Variants in GPC5 observed in about 807,000 individuals in gnomAD.
GPC5 encodes the protein glypican 5.
In GPC5, 47 loss-of-function variants were observed where a neutral mutation model predicts 53.9. The ratio of observed to expected loss-of-function variants is 0.87; its 90% CI spans 0.69 to 1.11. The LOEUF is 1.11. GPC5 is among the 50% of genes most tolerant of loss of function. The pLI is 0.00. For missense variants in GPC5, 748 were observed against 713.1 expected (o/e 1.05, Z -0.56); for synonymous variants, 286 against 263.3 (o/e 1.09, Z -0.84).
intron 1 of GPC5, among the ~76,000 whole-genome samples, chr13:91,428,041 C>T (rs569244687): frequency 1.3e-5 from 2 of 152,212 alleles, no homozygotes; most frequent in East Asian, 1.9e-4. Flanking sequence ...TTAAACCTCT[C>T]GTCTATACAA....
At chr13:91,506,276 CAT>C (rs1392296136) in intron 2 of GPC5, among the ~76,000 whole-genome samples, 2 of 152,034 alleles carry the variant, frequency 1.3e-5, no homozygotes, top group Non-Finnish European at 2.9e-5. Flanking sequence ...TAAAATAAAA[CAT>C]ATATTTAAGC....
chr13:92,832,722 T>G (rs1779672023), intron 7 of GPC5, among the ~76,000 whole-genome samples: 1 of 152,106 alleles, frequency 6.6e-6, no homozygotes, highest in Admixed American at 6.6e-5. Context: ...ATACCCACAA[T>G]TTTGGCCTGG....
intron 7 of GPC5, among the ~76,000 whole-genome samples, chr13:92,702,233 A>T (rs1887774859): frequency 6.6e-6 from 1 of 152,102 alleles, no homozygotes; most frequent in Non-Finnish European, 1.5e-5. Context: ...CTACACTCAC[A>T]TCCTGAATGA....
intron 7 of GPC5, among the ~76,000 whole-genome samples, chr13:92,815,028 ATATT>A (rs1221649423): frequency 1.3e-5 from 2 of 152,040 alleles, no homozygotes; most frequent in Non-Finnish European, 2.9e-5. Context: ...CATTCAACAT[ATATT>A]TATTTAACAC....
intron 5 of GPC5, among the ~76,000 whole-genome samples, chr13:91,771,234 T>A (rs1339349313): frequency 6.6e-6 from 1 of 152,180 alleles, no homozygotes; most frequent in Non-Finnish European, 1.5e-5. Context: ...CCCTCAATGT[T>A]AAAAATCAAA....
intron 7 of GPC5, among the ~76,000 whole-genome samples, chr13:92,210,710 G>T (rs1205086420): frequency 6.6e-6 from 1 of 152,136 alleles, no homozygotes; most frequent in Non-Finnish European, 1.5e-5. Flanking sequence ...ATAAAACAAA[G>T]TATTCAGACT....
intron 7 of GPC5, among the ~76,000 whole-genome samples, chr13:92,399,259 A>T (rs371944925): frequency 2.3e-4 from 35 of 152,220 alleles, no homozygotes; most frequent in African/African-American, 7.7e-4. Context: ...CATAATTTAG[A>T]TAAAATATAG....
intron 7 of GPC5, among the ~76,000 whole-genome samples, chr13:92,615,340 T>A (rs1594350353): frequency 6.6e-6 from 1 of 152,316 alleles, no homozygotes; most frequent in African/African-American, 2.4e-5. Flanking sequence ...AATGTGTTAA[T>A]CACTTAAACC....
In GPC5 at chr13:92,633,475, A is replaced by G. The variant is rs537762088; in HGVS notation, c.1562-232807A>G. 6.7e-4 allele frequency among the ~76,000 whole-genome samples: 102 copies of G among 152,306 alleles called. 1 individual carries two copies. Among genetic ancestry groups the G allele is most frequent in the Middle Eastern group, 3.4e-3 (1 of 294 alleles). On this transcript the variant is annotated intron_variant, in intron 7 of 7. Transcript: ENST00000377067. ...AAAAATATTTAGTTTTTTGCACAGA[A>G]AAAAGGTATATAAAAACCTGCTCAC...
chr13:91,949,039 C>T lies in GPC5; in HGVS notation c.1401+40982C>T, dbSNP rs189922770. Reference sequence around the variant, plus strand: ...AGAGCACAGATGATTACCAGGTAGTCGTTACTATCTTCTCTCCTTGATACT... The same window carrying T: ...AGAGCACAGATGATTACCAGGTAGTTGTTACTATCTTCTCTCCTTGATACT... On this transcript the variant is annotated intron_variant, in intron 6 of 7. Coordinates refer to ENST00000377067, the MANE Select transcript of GPC5 (RefSeq NM_004466.6). 4.9e-3 allele frequency among the ~76,000 whole-genome samples: 741 copies of T among 152,224 alleles called. 7 individuals carry two copies. The highest frequency in any genetic ancestry group is 0.016 in the African/African-American group (683 of 41,518).
intron 2 of GPC5, among the ~76,000 whole-genome samples, chr13:91,600,294 C>T (rs1057340824): frequency 6.7e-6 from 1 of 148,830 alleles, no homozygotes; most frequent in Admixed American, 6.7e-5. Context: ...TCATGGTAAT[C>T]GTTCATTTTA....
chr13:92,815,713 T>C (rs1566430388), intron 7 of GPC5, among the ~76,000 whole-genome samples: 3 of 150,562 alleles, frequency 2.0e-5, no homozygotes, highest in South Asian at 4.2e-4. Flanking sequence ...GTACAAGGGG[T>C]GGGGGTGTGG....
chr13:91,574,532 G>C (rs779035454), intron 2 of GPC5, among the ~76,000 whole-genome samples: 4 of 151,918 alleles, frequency 2.6e-5, no homozygotes, highest in Non-Finnish European at 5.9e-5. Context: ...AAAGTCTTTA[G>C]GAAAAAATAT....
At chr13:92,721,565 C>G (rs1167205453) in intron 7 of GPC5, 1 of 152,004 alleles carries the variant, frequency 6.6e-6, no homozygotes, top group African/African-American at 2.4e-5. Context: ...AGTCACTGTT[C>G]ACGGCAACCT....
chr13:92,610,169 G>A (rs1321994674), intron 7 of GPC5, among the ~76,000 whole-genome samples: 1 of 151,812 alleles, frequency 6.6e-6, no homozygotes, highest in Non-Finnish European at 1.5e-5. Context: ...TAAATACCAG[G>A]TAAAATAAAC....
chr13:91,675,625 G>T (rs573271192), intron 2 of GPC5, among the ~76,000 whole-genome samples: 1 of 152,346 alleles, frequency 6.6e-6, no homozygotes, highest in South Asian at 2.1e-4. Flanking sequence ...TGAAATAGTA[G>T]ATTGTACAAC....
At chr13:91,659,680 A>T (rs2034936282) in intron 2 of GPC5, among the ~76,000 whole-genome samples, 1 of 152,206 alleles carries the variant, frequency 6.6e-6, no homozygotes, top group Admixed American at 6.5e-5. Context: ...TGGGTCTAGC[A>T]GCCTCGAGAT....
At chr13:92,248,735 C>A (rs1318379319) in intron 7 of GPC5, among the ~76,000 whole-genome samples, 1 of 152,078 alleles carries the variant, frequency 6.6e-6, no homozygotes, top group African/African-American at 2.4e-5. Context: ...AGGCATAAGG[C>A]CGTTGCTGAG....
At chr13:92,696,303 A>G (rs1258131374) in intron 7 of GPC5, among the ~76,000 whole-genome samples, 1 of 150,060 alleles carries the variant, frequency 6.7e-6, no homozygotes, top group Admixed American at 6.7e-5. Flanking sequence ...AATAATTTAC[A>G]CTCCCACTAA....
Sources: allele counts gnomAD v4.1 joint callset (sites outside exome capture counted in the v4.1 genomes callset), GRCh38; gene constraint gnomAD v4.1.1; transcripts MANE v1.5; gene names NCBI Gene and HGNC (gene_info 2026-07-23, HGNC 2026-07-21).